The following MGAT5 variants were observed in gnomAD, a reference collection of about 807,000 sequenced individuals.
MGAT5 encodes the protein alpha-1,6-mannosylglycoprotein 6-beta-N-acetylglucosaminyltransferase A.
A neutral mutation model predicts 94.3 loss-of-function variants in MGAT5; 30 were observed. That is an observed-to-expected ratio of 0.32 (90% CI 0.24 to 0.43). The LOEUF is 0.43. Among genes scored for constraint, MGAT5 ranks in the 20% least tolerant of loss-of-function variants. The pLI is 1.00. For synonymous variants in MGAT5, 310 were observed against 322.9 expected (o/e 0.96, Z 0.43); for missense variants, 691 against 905.5 (o/e 0.76, Z 3.04).
intron 1 of MGAT5, among the ~76,000 whole-genome samples, chr2:134,269,288 G>A (rs967857794): frequency 6.6e-6 from 1 of 152,204 alleles, no homozygotes; most frequent in African/African-American, 2.4e-5. Flanking sequence ...TGCTGTTTAT[G>A]TGAGCATGTG....
rs186792594 is a variant in MGAT5 at position 134,202,570 on chromosome 2, G to C, written c.-142-51692G>C. Among the ~76,000 whole-genome samples the C allele has an allele frequency of 1.6e-4, 25 of 152,362 alleles. No individual in the cohort carries two copies. In the East Asian group the frequency reaches 3.7e-3, roughly 22 times the overall value. ...GACTGAGGCACTGGCCCAGGGTTTA[G>C]CATTCAGAAGTGTTGCCCCAGGCAT... is the stretch of plus-strand genomic sequence containing the variant. On this transcript the variant is annotated intron_variant, in intron 1 of 16. Transcript: ENST00000409645.
chr2:134,448,162 A>G (rs775974826), intron 15 of MGAT5, among the ~76,000 whole-genome samples: 2 of 152,240 alleles, frequency 1.3e-5, no homozygotes, highest in Admixed American at 6.5e-5. Flanking sequence ...AGGCATTAGC[A>G]CATAGCCGTC....
At chr2:134,448,532 T>C (rs1344819713) in intron 15 of MGAT5, 117 bp from the exon 16 acceptor site, 1 of 917,452 alleles carries the variant, frequency 1.1e-6, no homozygotes, top group Non-Finnish European at 1.8e-6. Context: ...ATTTCTAAAG[T>C]AGGACAAGAC....
Position 134,317,593 on chromosome 2 carries a change from G to A in MGAT5, c.471G>A (p.Glu157=), listed in dbSNP as rs377275052. 5.1e-6 allele frequency: 8 copies of A among 1,565,204 alleles called. No individual in the cohort carries two copies. The African/African-American group carries it at 8.3e-5, about 16-fold the overall frequency. The change falls in exon 3 of 16, where the codon GAG becomes GAA. Residue 157 remains glutamate, a synonymous_variant. Coordinates refer to ENST00000281923, the MANE Select transcript of MGAT5 (RefSeq NM_002410.5). ...LPPMDGYPHC[E]GKIKWMKDMW... ...CTATGGACGGCTACCCTCACTGTGA[G>A]GGAAAGATCAAGGTAAGGCAGAGGC...
At chr2:134,203,249 A>T (rs2105291363) in intron 1 of MGAT5, among the ~76,000 whole-genome samples, 1 of 152,344 alleles carries the variant, frequency 6.6e-6, no homozygotes, top group South Asian at 2.1e-4. Flanking sequence ...ACAGAAGGTC[A>T]GAAACCCCTG....
chr2:134,449,127 C>T lies in MGAT5; in HGVS notation c.*280C>T. 2.1e-6 allele frequency: 1 copy of T among 471,028 alleles called. No individual in the cohort carries two copies. Among genetic ancestry groups the T allele is most frequent in the Non-Finnish European group, 3.9e-6 (1 of 259,260 alleles). 29.2% of individuals were successfully genotyped at this position (471,028 alleles called of 1,614,324 possible). On this transcript the variant is annotated 3_prime_UTR_variant, in exon 16 of 16. Coordinates refer to ENST00000281923, the MANE Select transcript of MGAT5 (RefSeq NM_002410.5). ...AGCAACTGTGGGAAGACTGTCACTG[C>T]AGCTGCTCCAGGGCAAAAGAAAGTC...
At chr2:134,252,787 A>T (rs988984198), upstream of MGAT5, among the ~76,000 whole-genome samples, 8 of 152,174 alleles carry the variant, frequency 5.3e-5, no homozygotes, top group Non-Finnish European at 1.2e-4. Flanking sequence ...TATATATATC[A>T]TTCTCTGCCA....
intron 1 of MGAT5, among the ~76,000 whole-genome samples, chr2:134,236,086 G>A (rs2105419052): frequency 6.6e-6 from 1 of 152,258 alleles, no homozygotes; most frequent in East Asian, 1.9e-4. Flanking sequence ...TATTTCTGCT[G>A]CTTAATTTTA....
chr2:134,249,352 C>A (rs865953485), upstream of MGAT5, among the ~76,000 whole-genome samples: 7 of 151,788 alleles, frequency 4.6e-5, no homozygotes, highest in Middle Eastern at 0.024. Flanking sequence ...AATTTTAGAA[C>A]CTTTTTGTTA....
intron 1 of MGAT5, among the ~76,000 whole-genome samples, chr2:134,139,898 G>T (rs1266286456): frequency 2.0e-5 from 3 of 152,180 alleles, no homozygotes; most frequent in Non-Finnish European, 4.4e-5. Context: ...GGCCATTCGA[G>T]AACAGCTTTT....
chr2:134,163,132 A>G (rs183957899), intron 1 of MGAT5, among the ~76,000 whole-genome samples: 63 of 152,208 alleles, frequency 4.1e-4, no homozygotes, highest in African/African-American at 1.5e-3. Context: ...AGTTTCCCAG[A>G]GGAGATGTTT....
intron 1 of MGAT5, among the ~76,000 whole-genome samples, chr2:134,157,848 G>A (rs766995444): frequency 6.6e-5 from 10 of 152,114 alleles, no homozygotes; most frequent in Admixed American, 2.0e-4. Context: ...CAGAGGGTGA[G>A]CAAGGCAGAG....
At chr2:134,317,382 A>T (rs1471703459) in intron 2 of MGAT5, 147 bp from the exon 3 acceptor site, 1 of 490,920 alleles carries the variant, frequency 2.0e-6, no homozygotes, top group East Asian at 3.7e-5. Flanking sequence ...GATATATTGG[A>T]GCTGGAGGGG....
intron 12 of MGAT5, among the ~76,000 whole-genome samples, chr2:134,415,539 G>C (rs1041809441): frequency 6.6e-6 from 1 of 152,144 alleles, no homozygotes; most frequent in Non-Finnish European, 1.5e-5. Context: ...TAAATATGTG[G>C]TTTGCAAATA....
chr2:134,246,507 G>GC (rs1347680441), intron 1 of MGAT5, among the ~76,000 whole-genome samples: 1 of 152,146 alleles, frequency 6.6e-6, no homozygotes, highest in Admixed American at 6.6e-5. Context: ...GATGAAGACT[G>GC]CCCCCCACCA....
At chr2:134,189,605 T>TTTTTTTTTTTTTTTTTG (rs1558978116) in intron 1 of MGAT5, among the ~76,000 whole-genome samples, 16 of 106,620 alleles carry the variant, frequency 1.5e-4, no homozygotes, top group Non-Finnish European at 2.4e-4. Context: ...TTTTTTTGTT[T>TTTTTTTTTTTTTTTTTG]TTTTTTTTTT....
Position 134,146,736 on chromosome 2 carries a change from G to A in MGAT5, c.-143+26445G>A, listed in dbSNP as rs1416115453. 3.9e-5 allele frequency among the ~76,000 whole-genome samples: 6 copies of A among 152,176 alleles called. No individual in the cohort carries two copies. In the East Asian group the frequency reaches 1.2e-3, roughly 29 times the overall value. On this transcript the variant is annotated intron_variant, in intron 1 of 16. Transcript: ENST00000409645. ...AGGGCTTCCTGGATCGCTGGGTACC[G>A]GCATTGGCAGCTGGGTTTCTTTCAG... is the stretch of plus-strand genomic sequence containing the variant.
intron 2 of MGAT5, among the ~76,000 whole-genome samples, chr2:134,294,993 T>A (rs1288124760): frequency 6.6e-6 from 1 of 152,176 alleles, no homozygotes; most frequent in Admixed American, 6.5e-5. Context: ...TAAATGACCC[T>A]GCCTCCTTTG....
At chr2:134,235,875 C>CATAATT in intron 1 of MGAT5, among the ~76,000 whole-genome samples, 1 of 152,040 alleles carries the variant, frequency 6.6e-6, no homozygotes, top group Admixed American at 6.6e-5. Flanking sequence ...CTTTGGTTTT[C>CATAATT]TGTTTTGCAT....
Sources: gnomAD v4.1 joint callset for allele counts (sites outside exome capture counted in the v4.1 genomes callset) on GRCh38, gnomAD v4.1.1 for gene constraint, MANE v1.5 for transcripts, NCBI Gene and HGNC (gene_info 2026-07-23, HGNC 2026-07-21) for gene names.